C1orf141: variants seen among roughly 807,000 people sequenced by gnomAD.
C1orf141 encodes the protein chromosome 1 open reading frame 141.
Under a neutral mutation model 23.2 loss-of-function variants are expected in C1orf141, and 19 were observed. The ratio of observed to expected loss-of-function variants is 0.82; its 90% CI spans 0.57 to 1.20. The LOEUF is 1.20. Among genes scored for constraint, C1orf141 ranks in the 50% most tolerant of loss-of-function variants. The pLI is 0.00. For synonymous variants in C1orf141, 153 were observed against 154.6 expected (o/e 0.99, Z 0.08); for missense variants, 469 against 455.1 (o/e 1.03, Z -0.28).
At chr1:67,119,408 A>G (rs917134392) in intron 4 of C1orf141, among the ~76,000 whole-genome samples, 4 of 152,228 alleles carry the variant, frequency 2.6e-5, no homozygotes, top group Admixed American at 2.6e-4. Context: ...AGTTCTAAGC[A>G]AAGTGTTGAG....
At chr1:67,137,071 AC>A (rs1397840449), upstream of C1orf141, among the ~76,000 whole-genome samples, 1 of 152,204 alleles carries the variant, frequency 6.6e-6, no homozygotes, top group African/African-American at 2.4e-5. Flanking sequence ...AAATCTGCAG[AC>A]TTTTTCCTGC....
chr1:67,112,307 T>A (rs1240259031), intron 5 of C1orf141, among the ~76,000 whole-genome samples: 1 of 152,218 alleles, frequency 6.6e-6, no homozygotes, highest in Non-Finnish European at 1.5e-5. Context: ...TAGTTATTTG[T>A]TGATCAACTA....
intron 5 of C1orf141, among the ~76,000 whole-genome samples, chr1:67,109,654 A>G (rs1646022695): frequency 2.0e-5 from 3 of 152,192 alleles, no homozygotes; most frequent in African/African-American, 7.2e-5. Flanking sequence ...GTCATATACT[A>G]TTTGATCCCA....
At chr1:67,107,948 C>A (rs1202973390) in intron 5 of C1orf141, among the ~76,000 whole-genome samples, 1 of 152,046 alleles carries the variant, frequency 6.6e-6, no homozygotes, top group Non-Finnish European at 1.5e-5. Flanking sequence ...AAAAAGGCTA[C>A]CAGTCAAACT....
chr1:67,119,432 C>T (rs754994321), intron 4 of C1orf141, among the ~76,000 whole-genome samples: 24 of 152,018 alleles, frequency 1.6e-4, no homozygotes, highest in Admixed American at 2.6e-4. Context: ...TGATTTGGTT[C>T]CTACTGATGT....
At position 67,120,989 on chromosome 1, in the gene C1orf141, G is replaced by A. The variant is rs570488605; in HGVS notation, c.233+4763C>T. Among the ~76,000 whole-genome samples, 16 of 152,258 alleles carry A rather than the reference G, an allele frequency of 1.1e-4. No homozygotes were observed. The South Asian group carries it at 2.9e-3, about 28-fold the overall frequency. ...TAGCTGCTCTCCTTGGTTGGAGAATGTGTTCCTCTGAGGATCTCTCATATG... is the reference window on the plus strand; with the variant it reads ...TAGCTGCTCTCCTTGGTTGGAGAATATGTTCCTCTGAGGATCTCTCATATG... On this transcript the variant is annotated intron_variant, in intron 4 of 7. Transcript: ENST00000684719.
At chr1:67,137,856 C>T (rs1307891883), upstream of C1orf141, among the ~76,000 whole-genome samples, 1 of 152,178 alleles carries the variant, frequency 6.6e-6, no homozygotes, top group Non-Finnish European at 1.5e-5. Flanking sequence ...TTAATCATCC[C>T]CAAATGGTGA....
At chr1:67,109,015 C>A (rs567843459) in intron 5 of C1orf141, among the ~76,000 whole-genome samples, 1 of 152,140 alleles carries the variant, frequency 6.6e-6, no homozygotes, top group Admixed American at 6.6e-5. Flanking sequence ...CTATGGAAAA[C>A]AGTATGAAAA....
intron 5 of C1orf141, among the ~76,000 whole-genome samples, chr1:67,114,010 G>C (rs1045240096): frequency 5.3e-5 from 8 of 152,098 alleles, no homozygotes; most frequent in Admixed American, 2.0e-4. Flanking sequence ...GTGATGTGAA[G>C]GTAAGATCAA....
intron 1 of C1orf141, among the ~76,000 whole-genome samples, chr1:67,141,641 C>G (rs1260151160): frequency 6.6e-6 from 1 of 152,086 alleles, no homozygotes; most frequent in Non-Finnish European, 1.5e-5. Context: ...TATCTGCAGT[C>G]CAGCTATTCA....
chr1:67,102,044 C>T (rs920571482), intron 5 of C1orf141, among the ~76,000 whole-genome samples: 2 of 152,144 alleles, frequency 1.3e-5, no homozygotes, highest in Non-Finnish European at 2.9e-5. Flanking sequence ...AGGCTGGGAT[C>T]TTTCCTGGCT....
chr1:67,105,700 C>T (rs984565413), intron 5 of C1orf141, among the ~76,000 whole-genome samples: 2 of 151,840 alleles, frequency 1.3e-5, no homozygotes, highest in African/African-American at 4.8e-5. Flanking sequence ...ACCTTAAGGT[C>T]CTGGAGAATA....
intron 1 of C1orf141, among the ~76,000 whole-genome samples, chr1:67,134,561 T>G (rs1055100728): frequency 6.6e-6 from 1 of 152,166 alleles, no homozygotes; most frequent in African/African-American, 2.4e-5. Flanking sequence ...CCGAGTCACC[T>G]TCCCCCAGGT....
intron 4 of C1orf141, 103 bp downstream of exon 4, chr1:67,125,649 T>A: frequency 8.9e-7 from 1 of 1,118,090 alleles, no homozygotes. Context: ...CAGTGAGCCA[T>A]GTTTGCACCA....
chr1:67,129,956 C>T (rs1415240910), intron 2 of C1orf141, among the ~76,000 whole-genome samples: 1 of 152,068 alleles, frequency 6.6e-6, no homozygotes, highest in Non-Finnish European at 1.5e-5. Context: ...TATTTCCTCC[C>T]AAATAAATAT....
upstream of C1orf141, among the ~76,000 whole-genome samples, chr1:67,139,434 C>T (rs1349746365): frequency 6.6e-6 from 1 of 152,180 alleles, no homozygotes; most frequent in Admixed American, 6.5e-5. Context: ...ACAGTCCACA[C>T]AACATAGCTC....
chr1:67,125,971 T>G (rs1352237097), intron 3 of C1orf141, 62 bp from the exon 4 acceptor site: 1 of 1,395,184 alleles, frequency 7.2e-7, no homozygotes. Context: ...ATGGGGAAAA[T>G]CTTAGGTGGA....
chr1:67,101,652 G>A (rs936841312), intron 5 of C1orf141, among the ~76,000 whole-genome samples: 2 of 151,848 alleles, frequency 1.3e-5, no homozygotes, highest in African/African-American at 2.4e-5. Flanking sequence ...TTTGAGTTAG[G>A]GATAAAATGT....
intron 5 of C1orf141, among the ~76,000 whole-genome samples, chr1:67,104,231 T>C (rs547413649): frequency 6.9e-4 from 105 of 152,026 alleles, no homozygotes; most frequent in Non-Finnish European, 1.0e-3. Flanking sequence ...AAGACTAGAA[T>C]AGACAGGAAA....
Sources: gnomAD v4.1 joint callset for allele counts (sites outside exome capture counted in the v4.1 genomes callset) on GRCh38, gnomAD v4.1.1 for gene constraint, MANE v1.5 for transcripts, NCBI Gene and HGNC (gene_info 2026-07-23, HGNC 2026-07-21) for gene names.